Variants in SLC45A4 observed in about 807,000 individuals in gnomAD.
SLC45A4 encodes the protein polyamine-transporter SLC45A4.
A neutral mutation model predicts 63.7 loss-of-function variants in SLC45A4; 32 were observed. The observed-to-expected ratio is 0.50, with a 90% CI of 0.38 to 0.67. SLC45A4 has a LOEUF of 0.67. Ranked by LOEUF, SLC45A4 falls within the 30% of genes least tolerant of loss-of-function variation. SLC45A4 has a pLI of 0.00. For synonymous variants in SLC45A4, 535 were observed against 510.0 expected (o/e 1.05, Z -0.66); for missense variants, 1,027 against 1,157.7 (o/e 0.89, Z 1.64).
chr8:141,299,036 C>T (rs537922896), intron 1 of SLC45A4, among the ~76,000 whole-genome samples: 68 of 152,160 alleles, frequency 4.5e-4, no homozygotes, highest in East Asian at 2.7e-3. Flanking sequence ...GCTGGGCGCC[C>T]GGCACGGATG....
In SLC45A4 at chr8:141,302,622, G is replaced by A. The variant is rs148690145; in HGVS notation, c.-401+5474C>T. Among the ~76,000 whole-genome samples, 687 of 152,298 alleles carry A rather than the reference G, an allele frequency of 4.5e-3. 5 individuals are homozygous for A. Among genetic ancestry groups the A allele is most frequent in the African/African-American group, 0.016 (649 of 41,556 alleles). On this transcript the variant is annotated intron_variant, in intron 1 of 8. Transcript: ENST00000517878. Reference sequence around the variant, plus strand: ...GCTAGGATTACAGGCATGAGCCACCGCGGCAGGCGTAAAGTTATTTTACAG... The same window carrying A: ...GCTAGGATTACAGGCATGAGCCACCACGGCAGGCGTAAAGTTATTTTACAG...
rs1372295392 is a variant in SLC45A4, at chr8:141,256,494, C to T, written c.-400-1865G>A. ...TTCACTCGGCTCCTCTCTCACACAGCCCTGATGGAGAAGGTGGGTCCCTGG... is the reference window on the plus strand; with the variant it reads ...TTCACTCGGCTCCTCTCTCACACAGTCCTGATGGAGAAGGTGGGTCCCTGG... On this transcript the variant is annotated intron_variant, in intron 1 of 8. Transcript: ENST00000517878. The surrounding 1 kb of genome is among the most constrained non-coding windows in gnomAD (Gnocchi z 4.3). 1.3e-5 allele frequency: 6 copies of T among 455,784 alleles called. No individual in the cohort carries two copies. Among genetic ancestry groups the T allele is most frequent in the African/African-American group, 6.0e-5 (3 of 50,062 alleles). 28.2% of individuals were successfully genotyped at this position (455,784 alleles called of 1,614,324 possible). A position where few individuals can be genotyped will look rare whatever the true frequency, so the allele number is the denominator to read the frequency against.
At position 141,227,768 on chromosome 8, in the gene SLC45A4, G is replaced by A. The variant is rs190420845; in HGVS notation, c.242-6003C>T. Reference sequence around the variant, plus strand: ...GAAGATAGGGAGGGGGTGAAAAGAGGGGCAAGCTCAGGTGCTTTTCCTGAG... The same window carrying A: ...GAAGATAGGGAGGGGGTGAAAAGAGAGGCAAGCTCAGGTGCTTTTCCTGAG... On this transcript the variant is annotated intron_variant, in intron 2 of 8. Coordinates refer to ENST00000517878, the MANE Select transcript of SLC45A4 (RefSeq NM_001286646.2). The surrounding 1 kb of genome is among the most constrained non-coding windows in gnomAD (Gnocchi z 4.4). 3.2e-4 allele frequency among the ~76,000 whole-genome samples: 49 copies of A among 152,308 alleles called. No individual in the cohort carries two copies. Among genetic ancestry groups the A allele is most frequent in the African/African-American group, 1.1e-3 (47 of 41,558 alleles).
At chr8:141,306,822 C>G (rs1052400397) in intron 1 of SLC45A4, among the ~76,000 whole-genome samples, 2 of 152,224 alleles carry the variant, frequency 1.3e-5, no homozygotes, top group Non-Finnish European at 2.9e-5. Flanking sequence ...GGCTTCGATT[C>G]AGAATCTACC....
chr8:141,273,465 C>T (rs1043685890), intron 1 of SLC45A4, among the ~76,000 whole-genome samples: 7 of 152,142 alleles, frequency 4.6e-5, no homozygotes, highest in Non-Finnish European at 7.3e-5. Flanking sequence ...TCCTCTGAGT[C>T]GCGGTTACTT....
intron 1 of SLC45A4, among the ~76,000 whole-genome samples, chr8:141,275,738 T>C (rs769271623): frequency 1.1e-4 from 16 of 151,906 alleles, no homozygotes; most frequent in Non-Finnish European, 2.1e-4. Flanking sequence ...AATCACAAAA[T>C]CATGATGAAT....
intron 1 of SLC45A4, among the ~76,000 whole-genome samples, chr8:141,296,639 C>G (rs1830563354): frequency 6.6e-6 from 1 of 150,756 alleles, no homozygotes; most frequent in South Asian, 2.1e-4. Context: ...AATTCAAGAC[C>G]AGCCTGGCCA....
intron 2 of SLC45A4, among the ~76,000 whole-genome samples, chr8:141,238,805 C>G (rs1046839678): frequency 6.6e-6 from 1 of 152,174 alleles, no homozygotes; most frequent in Non-Finnish European, 1.5e-5. Context: ...ACCCACAGTA[C>G]AGCTGCCAGG....
In SLC45A4 at chr8:141,242,966, G is replaced by A. The variant is rs189755758; in HGVS notation, c.241+11023C>T. On this transcript the variant is annotated intron_variant, in intron 2 of 8. Transcript: ENST00000517878. ...GCCAGCCCGTGTGCAGCGGGGAGCC[G>A]GCAGGGCGAGGACCCATCTACCGGG... Among the ~76,000 whole-genome samples the A allele has an allele frequency of 2.7e-3, 417 of 152,330 alleles. 2 individuals carry two copies. The highest frequency in any genetic ancestry group is 7.7e-3 in the South Asian group (37 of 4,824).
chr8:141,241,407 G>C (rs866922665), intron 2 of SLC45A4, among the ~76,000 whole-genome samples: 1 of 152,158 alleles, frequency 6.6e-6, no homozygotes, highest in African/African-American at 2.4e-5. Context: ...TGCTGCCTTC[G>C]GGGAAGGGAG....
intron 1 of SLC45A4, among the ~76,000 whole-genome samples, chr8:141,286,466 C>T (rs1007666636): frequency 6.6e-6 from 1 of 152,206 alleles, no homozygotes; most frequent in African/African-American, 2.4e-5. Context: ...CCTTTACCCA[C>T]ACGCCCTACT....
intron 2 of SLC45A4, among the ~76,000 whole-genome samples, chr8:141,234,002 G>A (rs1221438067): frequency 6.6e-6 from 1 of 152,216 alleles, no homozygotes; most frequent in Non-Finnish European, 1.5e-5. Context: ...TTCCTGATCT[G>A]CAGAAATCTG....
At chr8:141,236,298 C>T (rs1308898531) in intron 2 of SLC45A4, among the ~76,000 whole-genome samples, 2 of 152,184 alleles carry the variant, frequency 1.3e-5, no homozygotes, top group African/African-American at 4.8e-5. Context: ...TCTCGCCCAG[C>T]CCTGACTGCC....
At position 141,254,271 on chromosome 8, in the gene SLC45A4, T is replaced by C. The variant is rs138079040; in HGVS notation, c.-42A>G. 4.2e-4 allele frequency: 608 copies of C among 1,451,826 alleles called. 6 individuals carry two copies. In the African/African-American group the frequency reaches 6.7e-3, roughly 16 times the overall value. 89.9% of individuals were successfully genotyped at this position (1,451,826 alleles called of 1,614,324 possible). On this transcript the variant is annotated 5_prime_UTR_variant, in exon 2 of 9. In the 5' UTR this introduces an upstream ATG that the reference lacks. Transcript: ENST00000517878. The surrounding 1 kb of genome is among the most constrained non-coding windows in gnomAD (Gnocchi z 4.5). ...TGTATTTATCTATATATTCTATCTA[T>C]ATAAATAATGCTTTCATATATCTGT...
chr8:141,291,215 T>C (rs1249390496), intron 1 of SLC45A4, among the ~76,000 whole-genome samples: 1 of 152,176 alleles, frequency 6.6e-6, no homozygotes, highest in Non-Finnish European at 1.5e-5. Context: ...CAAAATTGCA[T>C]CTATTTGCAT....
chr8:141,246,407 C>T (rs567470323), intron 2 of SLC45A4, among the ~76,000 whole-genome samples: 7 of 152,338 alleles, frequency 4.6e-5, no homozygotes, highest in East Asian at 3.9e-4. Context: ...CTGAGAGCCT[C>T]GGCCCTGGGG....
chr8:141,304,753 A>G (rs1324982496), intron 1 of SLC45A4, among the ~76,000 whole-genome samples: 1 of 152,152 alleles, frequency 6.6e-6, no homozygotes, highest in African/African-American at 2.4e-5. Context: ...TCCTGGGGCA[A>G]TAACACCCAC....
Position 141,215,156 on chromosome 8 carries a change from A to G in SLC45A4, c.1941+603T>C, listed in dbSNP as rs77480730. On this transcript the variant is annotated intron_variant, in intron 7 of 8. Coordinates refer to ENST00000517878, the MANE Select transcript of SLC45A4 (RefSeq NM_001286646.2). This position sits in a 1 kb window ranked among gnomAD's most constrained non-coding sequence, Gnocchi z 4.3. ...TGCATAAAGTCCAGAAAGAGGCAAG[A>G]GTCTGCCTGTGCTGCGGCTACTGAG... Among the ~76,000 whole-genome samples, 436 of 152,320 alleles carry G rather than the reference A, an allele frequency of 2.9e-3. 2 individuals are homozygous for G. Among genetic ancestry groups the G allele is most frequent in the African/African-American group, 0.01 (417 of 41,576 alleles).
chr8:141,285,588 C>CTA (rs1830108966), intron 1 of SLC45A4, among the ~76,000 whole-genome samples: 12 of 152,196 alleles, frequency 7.9e-5, no homozygotes, highest in Admixed American at 6.5e-5. Flanking sequence ...TGCACTCCAC[C>CTA]CACTGCACAT....
Sources: allele counts gnomAD v4.1 joint callset (sites outside exome capture counted in the v4.1 genomes callset), GRCh38; gene constraint gnomAD v4.1.1; non-coding constraint Gnocchi (gnomAD v3.1); transcripts MANE v1.5; gene names NCBI Gene and HGNC (gene_info 2026-07-23, HGNC 2026-07-21).